RYR3: variants seen among roughly 807,000 people sequenced by gnomAD.
The protein encoded by RYR3 is brain ryanodine receptor-calcium release channel.
In RYR3, 207 loss-of-function variants were observed where a neutral mutation model predicts 584.3. The ratio of observed to expected loss-of-function variants is 0.35; its 90% CI spans 0.32 to 0.40. The LOEUF is 0.40. RYR3 is among the 10% of genes least tolerant of loss of function. The probability of loss-of-function intolerance (pLI) is 1.00; values close to 1 mark genes in which losing one functional copy is unlikely to be tolerated. For missense variants in RYR3, 5,616 were observed against 6,089.2 expected (o/e 0.92, Z 2.59); for synonymous variants, 2,416 against 2,248.5 (o/e 1.07, Z -2.11).
chr15:33,338,021 C>T (rs1457256711), intron 1 of RYR3, among the ~76,000 whole-genome samples: 1 of 145,816 alleles, frequency 6.9e-6, no homozygotes, highest in Non-Finnish European at 1.5e-5. Context: ...CTTGGCTCAC[C>T]GAAAGCTCCG....
intron 60 of RYR3, 25 bp downstream of exon 60, chr15:33,757,621 G>A (rs757716869): frequency 5.0e-6 from 8 of 1,604,382 alleles, no homozygotes; most frequent in Non-Finnish European, 6.8e-6. Context: ...TAAAGGGAAG[G>A]TGATGGTGCT....
At chr15:33,864,587 G>T (rs1190591532) in intron 103 of RYR3, among the ~76,000 whole-genome samples, 1 of 151,366 alleles carries the variant, frequency 6.6e-6, no homozygotes, top group Non-Finnish European at 1.5e-5. Context: ...GGAGCCTGGA[G>T]GTGTGCATGT....
intron 6 of RYR3, 30 bp downstream of exon 6, chr15:33,539,492 G>C: frequency 1.4e-6 from 2 of 1,416,328 alleles, no homozygotes; most frequent in Non-Finnish European, 2.0e-6. Context: ...AGAGTCTTCT[G>C]TTTTCAGAAA....
intron 63 of RYR3, among the ~76,000 whole-genome samples, chr15:33,773,107 A>G (rs1215712363): frequency 6.6e-6 from 1 of 152,256 alleles, no homozygotes; most frequent in African/African-American, 2.4e-5. Flanking sequence ...AGTTGGACGT[A>G]TCTTCCTGGG....
chr15:33,604,946 G>A (rs931309813), intron 18 of RYR3, among the ~76,000 whole-genome samples: 4 of 152,158 alleles, frequency 2.6e-5, no homozygotes, highest in Admixed American at 6.5e-5. Flanking sequence ...TGTAAAAATT[G>A]TTTCACACTC....
chr15:33,781,507 G>C (rs1397555431), intron 65 of RYR3, among the ~76,000 whole-genome samples: 1 of 152,160 alleles, frequency 6.6e-6, no homozygotes, highest in Admixed American at 6.5e-5. Flanking sequence ...TTCTGAGCAA[G>C]AAAGGGCTCA....
chr15:33,476,501 T>C (rs2049390963), intron 2 of RYR3, among the ~76,000 whole-genome samples: 2 of 152,242 alleles, frequency 1.3e-5, no homozygotes, highest in South Asian at 2.1e-4. Flanking sequence ...TGTACCTGTC[T>C]GTTTTCAAAG....
At chr15:33,487,976 A>G (rs1343629976) in intron 2 of RYR3, among the ~76,000 whole-genome samples, 3 of 152,246 alleles carry the variant, frequency 2.0e-5, no homozygotes, top group African/African-American at 7.2e-5. Context: ...AAGAAATAGC[A>G]TAGAAGTCAA....
chr15:33,548,067 T>C lies in RYR3; in HGVS notation c.741-63T>C, dbSNP rs920485862. ...CCTGAACAGCCTCTGCAGGGAGCTG[T>C]TCTTCACCCGGGTGCTGATCAGTGT... is the stretch of plus-strand genomic sequence containing the variant. On this transcript the variant is annotated intron_variant, in intron 8 of 103. Coordinates refer to ENST00000634891, the MANE Select transcript of RYR3 (RefSeq NM_001036.6). 2.2e-5 allele frequency: 27 copies of C among 1,215,250 alleles called. No homozygotes were observed. The African/African-American group carries it at 2.4e-4, about 11-fold the overall frequency. 75.3% of individuals were successfully genotyped at this position (1,215,250 alleles called of 1,614,324 possible).
At chr15:33,391,777 C>T (rs983957866) in intron 1 of RYR3, among the ~76,000 whole-genome samples, 18 of 152,042 alleles carry the variant, frequency 1.2e-4, no homozygotes, top group Admixed American at 7.2e-4. Context: ...GTTCTTTGCC[C>T]AATTTGATCA....
intron 1 of RYR3, among the ~76,000 whole-genome samples, chr15:33,322,697 A>G (rs1018684195): frequency 1.3e-5 from 2 of 152,116 alleles, no homozygotes; most frequent in African/African-American, 4.8e-5. Flanking sequence ...ACTACAATCT[A>G]TGTAAGTTTT....
chr15:33,746,803 C>CT (rs367738785), intron 53 of RYR3, among the ~76,000 whole-genome samples: 16,282 of 135,582 alleles, frequency 0.12, 1,079 homozygotes, highest in East Asian at 0.24. Context: ...TTTCTTTCTT[C>CT]TTTTTTTTTT....
chr15:33,744,521 G>A (rs2070484129), intron 52 of RYR3, among the ~76,000 whole-genome samples: 1 of 152,144 alleles, frequency 6.6e-6, no homozygotes, highest in Non-Finnish European at 1.5e-5. Flanking sequence ...GCCATTGTGG[G>A]GCAGCTTGTT....
chr15:33,725,783 C>G (rs1213028091), intron 45 of RYR3, among the ~76,000 whole-genome samples: 1 of 133,678 alleles, frequency 7.5e-6, no homozygotes, highest in Non-Finnish European at 1.6e-5. Context: ...CATGATGAAA[C>G]CCCGTCTCTA....
chr15:33,727,156 A>G (rs1596329226), intron 46 of RYR3, among the ~76,000 whole-genome samples: 1 of 152,234 alleles, frequency 6.6e-6, no homozygotes, highest in South Asian at 2.1e-4. Flanking sequence ...GCCTGTCTTC[A>G]GCCACAGTCG....
intron 8 of RYR3, among the ~76,000 whole-genome samples, chr15:33,544,913 A>AG (rs1345086286): frequency 6.6e-6 from 1 of 152,154 alleles, no homozygotes; most frequent in African/African-American, 2.4e-5. Context: ...TTTCCTTAGA[A>AG]GTAAGGATTC....
intron 77 of RYR3, among the ~76,000 whole-genome samples, chr15:33,820,440 C>A (rs995159189): frequency 6.6e-6 from 1 of 152,222 alleles, no homozygotes; most frequent in Non-Finnish European, 1.5e-5. Context: ...CCCTGCATTC[C>A]TGTCTCCCAT....
chr15:33,841,862 A>G lies in RYR3; in HGVS notation c.13038-2A>G. On this transcript the variant is annotated splice_acceptor_variant, in intron 90 of 103. Transcript: ENST00000634891. LOFTEE classifies it high-confidence loss of function. ...TGCTGAGTGGGTTTCCCATTTCTGC[A>G]GCATGGAAGATGGAGAGAAGGAAGA... The G allele has an allele frequency of 6.3e-7, 1 of 1,589,782 alleles. No homozygotes were observed. The highest frequency in any genetic ancestry group is 8.6e-7 in the Non-Finnish European group (1 of 1,168,088).
In RYR3 at chr15:33,586,914, T is replaced by C. The variant is rs572393049; in HGVS notation, c.1788+798T>C. ...ACGCGATATTCAACGGCTCAGGAGG[T>C]GTATTTCAGAGCAGATGGCATGATG... On this transcript the variant is annotated intron_variant, in intron 16 of 103. Coordinates refer to ENST00000634891, the MANE Select transcript of RYR3 (RefSeq NM_001036.6). Among the ~76,000 whole-genome samples, 7 of 151,790 alleles carry C rather than the reference T, an allele frequency of 4.6e-5. 1 individual carries two copies. Among genetic ancestry groups the C allele is most frequent in the African/African-American group, 1.7e-4 (7 of 41,292 alleles).
Sources: gnomAD v4.1 joint callset for allele counts (sites outside exome capture counted in the v4.1 genomes callset) on GRCh38, gnomAD v4.1.1 for gene constraint, MANE v1.5 for transcripts, NCBI Gene and HGNC (gene_info 2026-07-23, HGNC 2026-07-21) for gene names.